The following PARD3B variants were observed in gnomAD, a reference collection of about 807,000 sequenced individuals.
PARD3B encodes the protein partitioning defective 3 homolog B.
PARD3B carries 103 observed loss-of-function variants against 130.2 expected under a neutral mutation model. That is an observed-to-expected ratio of 0.79 (90% CI 0.67 to 0.93). PARD3B has a LOEUF of 0.93. Ranked by LOEUF, PARD3B falls within the 40% of genes least tolerant of loss-of-function variation. The pLI is 0.00. For missense variants in PARD3B, 1,609 were observed against 1,499.2 expected (o/e 1.07, Z -1.21); for synonymous variants, 583 against 553.2 (o/e 1.05, Z -0.76).
intron 15 of PARD3B, among the ~76,000 whole-genome samples, chr2:205,232,313 C>T (rs1574460901): frequency 6.6e-6 from 1 of 152,100 alleles, no homozygotes; most frequent in Non-Finnish European, 1.5e-5. Context: ...ATTAGCCAAG[C>T]ATAGTGGCAC....
intron 20 of PARD3B, among the ~76,000 whole-genome samples, chr2:205,469,650 C>T (rs1042233013): frequency 1.3e-5 from 2 of 152,204 alleles, no homozygotes; most frequent in African/African-American, 4.8e-5. Flanking sequence ...TTGGCAATTA[C>T]CTTTTTGTAA....
At chr2:204,694,195 A>C (rs1399604370) in intron 2 of PARD3B, among the ~76,000 whole-genome samples, 1 of 152,084 alleles carries the variant, frequency 6.6e-6, no homozygotes, top group Admixed American at 6.6e-5. Flanking sequence ...TGAATTTTTC[A>C]AGATCAAGGT....
intron 18 of PARD3B, among the ~76,000 whole-genome samples, chr2:205,390,419 A>T (rs1223890238): frequency 6.6e-6 from 1 of 152,212 alleles, no homozygotes; most frequent in Non-Finnish European, 1.5e-5. Flanking sequence ...TTAATTTTAA[A>T]TTTCAGATAA....
At chr2:205,339,118 CTT>C (rs1378177193) in intron 18 of PARD3B, among the ~76,000 whole-genome samples, 2 of 152,088 alleles carry the variant, frequency 1.3e-5, no homozygotes, top group African/African-American at 4.8e-5. Flanking sequence ...TGAAGCATCT[CTT>C]GATGTAATGA....
chr2:204,781,662 A>G (rs979823118), intron 2 of PARD3B, among the ~76,000 whole-genome samples: 3 of 152,184 alleles, frequency 2.0e-5, no homozygotes, highest in Non-Finnish European at 4.4e-5. Context: ...TTTTTGATAG[A>G]AATATTAGTA....
intron 18 of PARD3B, among the ~76,000 whole-genome samples, chr2:205,305,304 G>A (rs1013342769): frequency 2.6e-5 from 4 of 152,158 alleles, no homozygotes; most frequent in African/African-American, 9.7e-5. Flanking sequence ...TGTAGCATGA[G>A]TGACTCCATT....
intron 3 of PARD3B, among the ~76,000 whole-genome samples, chr2:204,986,369 T>C (rs73984490): frequency 0.017 from 2,634 of 152,292 alleles, 75 homozygotes; most frequent in African/African-American, 0.06. Context: ...TGAAGTGTTA[T>C]CGACAGAGCA....
intron 18 of PARD3B, among the ~76,000 whole-genome samples, chr2:205,399,618 G>C (rs2046173600): frequency 1.3e-5 from 2 of 152,166 alleles, no homozygotes; most frequent in Non-Finnish European, 2.9e-5. Context: ...GCCTCCCAAA[G>C]TGCTGGGATT....
intron 2 of PARD3B, among the ~76,000 whole-genome samples, chr2:204,742,912 G>A (rs1012298513): frequency 6.6e-6 from 1 of 152,104 alleles, no homozygotes; most frequent in Non-Finnish European, 1.5e-5. Flanking sequence ...GTTTTAACAA[G>A]TAAAAGAGAT....
In PARD3B at chr2:204,988,729, T is replaced by C. The variant is rs144366767; in HGVS notation, c.394+23406T>C. On this transcript the variant is annotated intron_variant, in intron 3 of 22. Transcript: ENST00000406610. Reference sequence around the variant, plus strand: ...AAATTTTAGATTTGGAAATTGTTCTTCATATCATACTCCTGAACTGACTTA... The same window carrying C: ...AAATTTTAGATTTGGAAATTGTTCTCCATATCATACTCCTGAACTGACTTA... Among the ~76,000 whole-genome samples the C allele has an allele frequency of 3.8e-3, 585 of 152,304 alleles. 5 individuals carry two copies. Among genetic ancestry groups the C allele is most frequent in the African/African-American group, 0.013 (548 of 41,562 alleles).
At position 205,460,891 on chromosome 2, in the gene PARD3B, A is replaced by T. The variant is rs1402787591; in HGVS notation, c.3044+20219A>T. The stretch of plus-strand genomic sequence containing the variant: ...AGGATCTGGAGAATAAAAAAATCTA[A>T]CAATGTAAGAAGAGGAGGCTACAGA... On this transcript the variant is annotated intron_variant, in intron 20 of 22. Coordinates refer to ENST00000406610, the MANE Select transcript of PARD3B (RefSeq NM_001302769.2). This position sits in a 1 kb window ranked among gnomAD's most constrained non-coding sequence, Gnocchi z 4.9. Among the ~76,000 whole-genome samples, 1 of 152,214 alleles carries T rather than the reference A, an allele frequency of 6.6e-6. No homozygotes were observed. Among genetic ancestry groups the T allele is most frequent in the Non-Finnish European group, 1.5e-5 (1 of 68,030 alleles).
At chr2:205,599,282 G>A (rs2054690886) in intron 22 of PARD3B, among the ~76,000 whole-genome samples, 1 of 152,256 alleles carries the variant, frequency 6.6e-6, no homozygotes, top group Non-Finnish European at 1.5e-5. Context: ...ATCTTACATT[G>A]AGGCACATGC....
chr2:204,932,892 C>A (rs564779636), intron 2 of PARD3B, among the ~76,000 whole-genome samples: 6 of 152,082 alleles, frequency 3.9e-5, no homozygotes, highest in Non-Finnish European at 7.4e-5. Flanking sequence ...TAGTGGTAAC[C>A]CCAGGGTAAT....
At chr2:205,331,782 C>CAAAAGAAAAA (rs2043140663) in intron 18 of PARD3B, among the ~76,000 whole-genome samples, 1 of 48,392 alleles carries the variant, frequency 2.1e-5, no homozygotes, top group Non-Finnish European at 3.2e-5. Context: ...GACTCCGTCT[C>CAAAAGAAAAA]AAAAAAAAAA....
intron 2 of PARD3B, among the ~76,000 whole-genome samples, chr2:204,923,467 A>T (rs1168764481): frequency 6.6e-6 from 1 of 152,004 alleles, no homozygotes; most frequent in Non-Finnish European, 1.5e-5. Flanking sequence ...ATTTTAACTT[A>T]AAAATATATT....
chr2:204,746,351 C>T (rs1379749279), intron 2 of PARD3B, among the ~76,000 whole-genome samples: 5 of 151,532 alleles, frequency 3.3e-5, no homozygotes, highest in African/African-American at 7.3e-5. Context: ...ACGGTGTATA[C>T]GTGCCACATT....
intron 2 of PARD3B, among the ~76,000 whole-genome samples, chr2:204,866,074 A>G (rs1016988005): frequency 1.3e-5 from 2 of 152,162 alleles, no homozygotes; most frequent in African/African-American, 4.8e-5. Flanking sequence ...GAGCATTGTC[A>G]TGTCCTGTGT....
At position 204,653,185 on chromosome 2, in the gene PARD3B, G is replaced by A. The variant is rs114697174; in HGVS notation, c.121-32996G>A. 6.9e-3 allele frequency among the ~76,000 whole-genome samples: 1,033 copies of A among 150,702 alleles called. 15 individuals carry two copies. Among genetic ancestry groups the A allele is most frequent in the Non-Finnish European group, 0.01 (701 of 67,984 alleles). On this transcript the variant is annotated intron_variant, in intron 1 of 22. Transcript: ENST00000406610. ...CTATTGAGTACTAGGATTAGTACCT[G>A]GGTGATGAAATAATCTGTAAATGAA...
intron 15 of PARD3B, among the ~76,000 whole-genome samples, chr2:205,194,333 T>A (rs912847486): frequency 1.3e-5 from 2 of 152,208 alleles, no homozygotes; most frequent in African/African-American, 4.8e-5. Flanking sequence ...ATAAATTAAC[T>A]AAATGACTGG....
Sources: allele counts gnomAD v4.1 joint callset (sites outside exome capture counted in the v4.1 genomes callset), GRCh38; gene constraint gnomAD v4.1.1; non-coding constraint Gnocchi (gnomAD v3.1); transcripts MANE v1.5; gene names NCBI Gene and HGNC (gene_info 2026-07-23, HGNC 2026-07-21).